PSG7: variants seen among roughly 807,000 people sequenced by gnomAD.
PSG7 encodes pregnancy specific beta-1-glycoprotein 7, also known as pregnancy-specific beta-1-glycoprotein 7.
A neutral mutation model predicts 45.6 loss-of-function variants in PSG7; 57 were observed. The observed-to-expected ratio is 1.25, with a 90% CI of 1.01 to 1.56. The LOEUF (loss-of-function observed/expected upper bound fraction) is 1.56, where lower values mean the gene tolerates loss of function less well. Ranked by LOEUF, PSG7 falls within the 40% of genes most tolerant of loss-of-function variation. The pLI is 0.00. For synonymous variants in PSG7, 298 were observed against 194.4 expected (o/e 1.53, Z -4.43); for missense variants, 796 against 508.4 (o/e 1.57, Z -5.44).
At chr19:42,935,819 TG>T in intron 1 of PSG7, 50 bp from the exon 2 acceptor site, 1 of 1,558,864 alleles carries the variant, frequency 6.4e-7, no homozygotes, top group Non-Finnish European at 8.7e-7. Context: ...TGTGTTGGGT[TG>T]AAAAGATGGG....
chr19:42,936,303 C>G (rs1973151861), intron 1 of PSG7: 1 of 160,856 alleles, frequency 6.2e-6, no homozygotes, highest in African/African-American at 2.4e-5. Flanking sequence ...TTGGTCGCAC[C>G]CCAGTGCCTG....
In PSG7 at chr19:42,937,085, C is replaced by T. The variant is rs1239728969; in HGVS notation, c.-9G>A. 8.7e-6 allele frequency: 14 copies of T among 1,610,380 alleles called. No homozygotes were observed. The highest frequency in any genetic ancestry group is 4.0e-5 in the African/African-American group (3 of 74,594). On this transcript the variant is annotated 5_prime_UTR_variant, in exon 1 of 6. Transcript: ENST00000406070. Reference sequence around the variant, plus strand: ...GCTGAGAGGGGCCCCATGGTCTCTGCTCCCTGCGTGTTCTCCTCTGTGGAG... The same window carrying T: ...GCTGAGAGGGGCCCCATGGTCTCTGTTCCCTGCGTGTTCTCCTCTGTGGAG...
intron 2 of PSG7, among the ~76,000 whole-genome samples, chr19:42,933,286 T>TACAC (rs1479244198): frequency 9.7e-5 from 1 of 10,354 alleles, no homozygotes; most frequent in African/African-American, 2.2e-4. Context: ...TATATATATA[T>TACAC]ATATATATAT....
At chr19:42,928,944 C>T (rs546758404) in intron 3 of PSG7, among the ~76,000 whole-genome samples, 6 of 151,628 alleles carry the variant, frequency 4.0e-5, no homozygotes, top group South Asian at 2.1e-4. Context: ...CAAGAATGCT[C>T]GGCCAGTGGA....
At chr19:42,925,740 A>G in intron 5 of PSG7, 33 bp downstream of exon 5, 2 of 1,611,322 alleles carry the variant, frequency 1.2e-6, no homozygotes, top group Non-Finnish European at 1.7e-6. Context: ...TGCACCTAAA[A>G]CCCTATTGCC....
At chr19:42,930,132 T>C (rs1972988155) in intron 2 of PSG7, among the ~76,000 whole-genome samples, 1 of 151,642 alleles carries the variant, frequency 6.6e-6, no homozygotes, top group Non-Finnish European at 1.5e-5. Context: ...TCTCTTCAGC[T>C]TCCCTTTCCA....
chr19:42,937,161 C>G lies in PSG7; in HGVS notation c.-85G>C, dbSNP rs10410311. ...TGAGCACGGCTGTCAGCTGTGCTGT[C>G]CTTCCTCCTTCTGCACTGAGCCTCT... is the stretch of plus-strand genomic sequence containing the variant. On this transcript the variant is annotated 5_prime_UTR_variant, in exon 1 of 6. Coordinates refer to ENST00000406070, the MANE Select transcript of PSG7 (RefSeq NM_002783.3). The G allele has an allele frequency of 6.5e-7, 1 of 1,533,644 alleles. No homozygotes were observed. The highest frequency in any genetic ancestry group is 1.4e-5 in the African/African-American group (1 of 72,232).
chr19:42,931,572 C>G (rs1002000685), intron 2 of PSG7, among the ~76,000 whole-genome samples: 4 of 151,612 alleles, frequency 2.6e-5, no homozygotes, highest in African/African-American at 7.3e-5. Context: ...TTCTCTTAAG[C>G]TCAGGAAACA....
Position 42,928,506 on chromosome 19 carries a change from T to C in PSG7, c.709+936A>G, listed in dbSNP as rs1454590194. The stretch of plus-strand genomic sequence containing the variant: ...GGGTATAATCATTTGACCTTTTTGG[T>C]TAAACTTATTCCAAAATATTTTATT... On this transcript the variant is annotated intron_variant, in intron 3 of 5. Coordinates refer to ENST00000406070, the MANE Select transcript of PSG7 (RefSeq NM_002783.3). 2.0e-5 allele frequency among the ~76,000 whole-genome samples: 3 copies of C among 151,724 alleles called. 1 individual carries two copies.
intron 2 of PSG7, among the ~76,000 whole-genome samples, chr19:42,931,494 A>C (rs1973018851): frequency 6.6e-6 from 1 of 151,644 alleles, no homozygotes; most frequent in Middle Eastern, 3.2e-3. Context: ...GCCTGCTTAT[A>C]ATTTCTGGGC....
At position 42,926,521 on chromosome 19, in the gene PSG7, C is replaced by G. The variant is rs762808508; in HGVS notation, c.905G>C (p.Arg302Thr). ...ACATTGATAGGGTCCTGTTTCATTT[C>G]TCGTGACACTGGGTAGAATGAGGAT... ...NRILILPSVT[R>T]NETGPYQCEI... The change falls in exon 4 of 6, where the codon AGA becomes ACA. Residue 302 changes from arginine to threonine, a missense_variant. Transcript: ENST00000406070. 3 of 1,611,072 alleles carry G rather than the reference C, an allele frequency of 1.9e-6. No homozygotes were observed. The highest frequency in any genetic ancestry group is 2.5e-6 in the Non-Finnish European group (3 of 1,179,036).
chr19:42,934,207 C>A (rs145122950), intron 2 of PSG7, among the ~76,000 whole-genome samples: 18 of 151,404 alleles, frequency 1.2e-4, no homozygotes, highest in African/African-American at 4.4e-4. Context: ...AGGGGGAGAC[C>A]TGGACATTTT....
At position 42,933,305 on chromosome 19, in the gene PSG7, A is replaced by ATTTTT. The variant is rs1294208407; in HGVS notation, c.430+2098_430+2099insAAAAA. 6.0e-3 allele frequency among the ~76,000 whole-genome samples: 82 copies of ATTTTT among 13,730 alleles called. 1 individual carries two copies. Among genetic ancestry groups the ATTTTT allele is most frequent in the Non-Finnish European group, 0.013 (76 of 5,900 alleles). The allele number at this position is 13,730 out of a possible 152,430, so 9.0% of individuals were successfully genotyped here. A position where few individuals can be genotyped will look rare whatever the true frequency, so the allele number is the denominator to read the frequency against. ...TATATATATATATATATATATATAT[A>ATTTTT]TATTTTTTTTTTTTTTTGGTGTATG... On this transcript the variant is annotated intron_variant, in intron 2 of 5. Coordinates refer to ENST00000406070, the MANE Select transcript of PSG7 (RefSeq NM_002783.3).
At position 42,929,473 on chromosome 19, in the gene PSG7, G is replaced by C. The variant is rs369383860; in HGVS notation, c.678C>G (p.Ser226Arg). The change falls in exon 3 of 6, where the codon AGC (serine) becomes AGG (arginine). Residue 226 changes from serine to arginine, a missense_variant. Physicochemically the swap from Ser to Arg is moderately radical, Grantham distance 110. Coordinates refer to ENST00000406070, the MANE Select transcript of PSG7 (RefSeq NM_002783.3). ...ECEIRNPVSA[S>R]RSDPVTLNLL... ...GATTCAGGGTGACTGGGTCACTGCG[G>C]CTGGCACTCACTGGGTTCCGTATTT... 4 of 1,612,530 alleles carry C rather than the reference G, an allele frequency of 2.5e-6. No individual in the cohort carries two copies. The highest frequency in any genetic ancestry group is 3.4e-6 in the Non-Finnish European group (4 of 1,179,224).
At chr19:42,932,954 G>A (rs920173370) in intron 2 of PSG7, among the ~76,000 whole-genome samples, 2 of 150,750 alleles carry the variant, frequency 1.3e-5, no homozygotes, top group South Asian at 2.1e-4. Flanking sequence ...CTTTTGAGAT[G>A]TTTCTCATTC....
chr19:42,934,868 C>G (rs1227685380), intron 2 of PSG7, among the ~76,000 whole-genome samples: 1 of 151,702 alleles, frequency 6.6e-6, no homozygotes, highest in Non-Finnish European at 1.5e-5. Context: ...GGGCTGAGCC[C>G]TGGCTGGTGA....
intron 2 of PSG7, among the ~76,000 whole-genome samples, chr19:42,932,288 G>T (rs1275546675): frequency 1.3e-5 from 2 of 151,498 alleles, no homozygotes; most frequent in African/African-American, 4.9e-5. Context: ...AAAGTCCTGG[G>T]AGTATAGGTG....
intron 3 of PSG7, 157 bp from the exon 4 acceptor site, chr19:42,926,873 C>A: frequency 7.3e-7 from 1 of 1,373,644 alleles, no homozygotes; most frequent in Non-Finnish European, 9.9e-7. Flanking sequence ...GCATGATGAT[C>A]TAAGGGCTCA....
At position 42,937,080 on chromosome 19, in the gene PSG7, C is replaced by A. The variant is rs1467517623; in HGVS notation, c.-4G>T. The A allele has an allele frequency of 5.6e-6, 9 of 1,610,670 alleles. 2 individuals carry two copies. Among genetic ancestry groups the A allele is most frequent in the Non-Finnish European group, 7.6e-6 (9 of 1,178,100 alleles). On this transcript the variant is annotated 5_prime_UTR_variant, in exon 1 of 6. Coordinates refer to ENST00000406070, the MANE Select transcript of PSG7 (RefSeq NM_002783.3). ...GAGGGGCTGAGAGGGGCCCCATGGT[C>A]TCTGCTCCCTGCGTGTTCTCCTCTG...
Sources: allele counts gnomAD v4.1 joint callset (sites outside exome capture counted in the v4.1 genomes callset), GRCh38; gene constraint gnomAD v4.1.1; transcripts MANE v1.5; gene names NCBI Gene and HGNC (gene_info 2026-07-23, HGNC 2026-07-21).